The following METTL24 variants were observed in gnomAD, a reference collection of about 807,000 sequenced individuals.
METTL24 encodes the protein probable methyltransferase-like protein 24.
METTL24 carries 29 observed loss-of-function variants against 32.7 expected under a neutral mutation model. That is an observed-to-expected ratio of 0.89 (90% CI 0.66 to 1.21). The LOEUF is 1.21. Among genes scored for constraint, METTL24 ranks in the 50% most tolerant of loss-of-function variants. The pLI is 0.00. For missense variants in METTL24, 439 were observed against 468.1 expected (o/e 0.94, Z 0.57); for synonymous variants, 163 against 179.5 (o/e 0.91, Z 0.73).
intron 4 of METTL24, among the ~76,000 whole-genome samples, chr6:110,274,343 T>A (rs111323790): frequency 0.085 from 12,934 of 152,222 alleles, 581 homozygotes; most frequent in South Asian, 0.16. Flanking sequence ...TCCGCTTGCC[T>A]CGGCCTCCCA....
At chr6:110,304,034 G>A (rs1251741066) in intron 3 of METTL24, among the ~76,000 whole-genome samples, 1 of 152,184 alleles carries the variant, frequency 6.6e-6, no homozygotes, top group Admixed American at 6.5e-5. Flanking sequence ...AGGGTCTGGA[G>A]TAGACCCCCA....
chr6:110,291,087 T>C (rs976213638), intron 4 of METTL24, among the ~76,000 whole-genome samples: 8 of 152,250 alleles, frequency 5.3e-5, no homozygotes, highest in African/African-American at 1.9e-4. Context: ...GAGTTCTCTA[T>C]GTATTCTGGA....
intron 4 of METTL24, among the ~76,000 whole-genome samples, chr6:110,277,878 C>A (rs766208891): frequency 7.9e-5 from 12 of 151,932 alleles, no homozygotes; most frequent in Non-Finnish European, 1.8e-4. Flanking sequence ...TCCAGCTTAC[C>A]CCCAAACATT....
chr6:110,327,696 A>G (rs188204834), intron 1 of METTL24, among the ~76,000 whole-genome samples: 1 of 152,240 alleles, frequency 6.6e-6, no homozygotes, highest in Non-Finnish European at 1.5e-5. Context: ...TCTCTAGTGT[A>G]TACATCAACA....
intron 4 of METTL24, among the ~76,000 whole-genome samples, chr6:110,258,977 A>G (rs1229721631): frequency 6.6e-6 from 1 of 152,142 alleles, no homozygotes; most frequent in Admixed American, 6.5e-5. Context: ...TTTTCCCCCA[A>G]TATCTTTTGA....
intron 3 of METTL24, among the ~76,000 whole-genome samples, chr6:110,313,203 A>T (rs1259148368): frequency 6.6e-6 from 1 of 152,090 alleles, no homozygotes; most frequent in African/African-American, 2.4e-5. Context: ...TAAATTTTAT[A>T]TTTCAAAATA....
At chr6:110,347,909 GGCTA>G (rs1408533084) in intron 1 of METTL24, among the ~76,000 whole-genome samples, 2 of 152,118 alleles carry the variant, frequency 1.3e-5, no homozygotes, top group African/African-American at 4.8e-5. Flanking sequence ...TACTAGTTAT[GGCTA>G]GCTTTTATTT....
intron 4 of METTL24, among the ~76,000 whole-genome samples, chr6:110,285,468 G>T (rs1771204413): frequency 6.6e-6 from 1 of 152,124 alleles, no homozygotes; most frequent in African/African-American, 2.4e-5. Context: ...GGGTGTGTCT[G>T]TTATGCTTGG....
At chr6:110,314,615 T>A (rs1004921954) in intron 3 of METTL24, among the ~76,000 whole-genome samples, 6 of 152,204 alleles carry the variant, frequency 3.9e-5, no homozygotes, top group Admixed American at 3.9e-4. Context: ...AACATACAAA[T>A]CTAACAATAG....
intron 1 of METTL24, among the ~76,000 whole-genome samples, chr6:110,335,511 CACAA>C (rs1562241026): frequency 6.7e-6 from 1 of 148,204 alleles, no homozygotes; most frequent in Non-Finnish European, 1.5e-5. Context: ...ATACAAAAGA[CACAA>C]ACAATTTCAA....
intron 4 of METTL24, among the ~76,000 whole-genome samples, chr6:110,269,662 TG>T (rs1277717792): frequency 1.3e-5 from 2 of 152,186 alleles, no homozygotes; most frequent in Non-Finnish European, 2.9e-5. Flanking sequence ...TTGTTTGTTT[TG>T]TTTTGTTTTT....
chr6:110,319,948 G>C (rs571306023), intron 2 of METTL24, among the ~76,000 whole-genome samples: 1 of 152,036 alleles, frequency 6.6e-6, no homozygotes, highest in Non-Finnish European at 1.5e-5. Context: ...CCATCCATCT[G>C]TCTCCCCCCT....
chr6:110,260,633 C>T (rs1466906358), intron 4 of METTL24, among the ~76,000 whole-genome samples: 3 of 152,046 alleles, frequency 2.0e-5, no homozygotes, highest in South Asian at 2.1e-4. Flanking sequence ...AGAAACTCCT[C>T]GAGAAGAGCA....
chr6:110,291,564 T>G (rs764223303), intron 4 of METTL24, among the ~76,000 whole-genome samples: 6 of 152,320 alleles, frequency 3.9e-5, no homozygotes, highest in Non-Finnish European at 7.4e-5. Context: ...TATTTTCCTT[T>G]TAGGAGTACA....
intron 4 of METTL24, among the ~76,000 whole-genome samples, chr6:110,261,189 C>T (rs992991528): frequency 2.6e-5 from 4 of 152,166 alleles, no homozygotes; most frequent in African/African-American, 9.7e-5. Context: ...GATAAAGAGT[C>T]AAGACCCATC....
Position 110,322,889 on chromosome 6 carries a change from A to T in METTL24, c.319-17T>A, listed in dbSNP as rs1437822046. The T allele has an allele frequency of 6.4e-7, 1 of 1,563,824 alleles. No individual in the cohort carries two copies. Among genetic ancestry groups the T allele is most frequent in the African/African-American group, 1.6e-5 (1 of 60,780 alleles). ...CCGGGGACCCTGCAAGAGACAGAAA[A>T]CATAGGTTGTGTGTAAGGAAGAGGA... On this transcript the variant is annotated splice_polypyrimidine_tract_variant and intron_variant, in intron 1 of 4. Transcript: ENST00000338882.
chr6:110,329,776 T>G (rs541875935), intron 1 of METTL24, among the ~76,000 whole-genome samples: 1 of 152,288 alleles, frequency 6.6e-6, no homozygotes, highest in South Asian at 2.1e-4. Context: ...ATGTTTAAAA[T>G]TCAGGTAACC....
At chr6:110,320,019 T>C (rs920563113) in intron 2 of METTL24, among the ~76,000 whole-genome samples, 1 of 152,178 alleles carries the variant, frequency 6.6e-6, no homozygotes, top group African/African-American at 2.4e-5. Context: ...GGGTGTTTTA[T>C]TGAGGCTTAA....
chr6:110,277,009 G>C (rs1465401553), intron 4 of METTL24, among the ~76,000 whole-genome samples: 1 of 152,108 alleles, frequency 6.6e-6, no homozygotes, highest in East Asian at 1.9e-4. Flanking sequence ...GAAGCCTACT[G>C]AAAGAATCAG....
Sources: allele counts gnomAD v4.1 joint callset (sites outside exome capture counted in the v4.1 genomes callset), GRCh38; gene constraint gnomAD v4.1.1; transcripts MANE v1.5; gene names NCBI Gene and HGNC (gene_info 2026-07-23, HGNC 2026-07-21).